AGFG2: variants seen among roughly 807,000 people sequenced by gnomAD.
AGFG2 encodes the protein arf-GAP domain and FG repeat-containing protein 2.
Under a neutral mutation model 48.0 loss-of-function variants are expected in AGFG2, and 31 were observed. The ratio of observed to expected loss-of-function variants is 0.65; its 90% CI spans 0.49 to 0.87. AGFG2 has a LOEUF of 0.87. Among genes scored for constraint, AGFG2 ranks in the 40% least tolerant of loss-of-function variants. The probability of loss-of-function intolerance (pLI) is 0.00; values close to 1 mark genes in which losing one functional copy is unlikely to be tolerated. For missense variants in AGFG2, 599 were observed against 632.6 expected (o/e 0.95, Z 0.57); for synonymous variants, 229 against 260.8 (o/e 0.88, Z 1.18).
rs1389636972 is a variant in AGFG2, at chr7:100,565,831, C to G, written c.*840C>G. The stretch of plus-strand genomic sequence containing the variant: ...GAGGGGGGGCAGCCATGTGTCCTGA[C>G]CCCCACCATCCCCAGAGCCTGGGTT... On this transcript the variant is annotated 3_prime_UTR_variant, in exon 12 of 12. Transcript: ENST00000300176. The G allele has an allele frequency of 6.6e-6, 1 of 151,966 alleles. No individual in the cohort carries two copies. The highest frequency in any genetic ancestry group is 6.6e-5 in the Admixed American group (1 of 15,242). 9.4% of individuals were successfully genotyped at this position (151,966 alleles called of 1,614,324 possible).
At chr7:100,548,293 G>A (rs182707445) in intron 1 of AGFG2, among the ~76,000 whole-genome samples, 3 of 148,384 alleles carry the variant, frequency 2.0e-5, no homozygotes, top group African/African-American at 7.3e-5. Context: ...TCTCTTTGGA[G>A]ATTCTTTTTT....
intron 1 of AGFG2, among the ~76,000 whole-genome samples, chr7:100,543,050 G>C (rs1800450816): frequency 6.6e-6 from 1 of 151,998 alleles, no homozygotes; most frequent in South Asian, 2.1e-4. Context: ...ATGATGCAAA[G>C]AGAAGAAATA....
intron 1 of AGFG2, among the ~76,000 whole-genome samples, chr7:100,546,866 C>CG (rs1352038077): frequency 6.6e-6 from 1 of 152,162 alleles, no homozygotes; most frequent in African/African-American, 2.4e-5. Flanking sequence ...AGACAGTCTT[C>CG]GGGGCAGACC....
intron 2 of AGFG2, 29 bp from the exon 3 acceptor site, chr7:100,550,367 C>T (rs748450379): frequency 6.8e-7 from 1 of 1,460,700 alleles, no homozygotes; most frequent in South Asian, 1.2e-5. Context: ...CTTTCTGCTC[C>T]CACTCCTCTG....
rs1189244488 is a variant in AGFG2 at position 100,551,071 on chromosome 7, T to A, written c.431+560T>A. Among the ~76,000 whole-genome samples, 302 of 90,376 alleles carry A rather than the reference T, an allele frequency of 3.3e-3. 8 individuals are homozygous for A. Among genetic ancestry groups the A allele is most frequent in the Middle Eastern group, 0.011 (2 of 176 alleles). The allele number at this position is 90,376 out of a possible 152,430, so 59.3% of individuals were successfully genotyped here. On this transcript the variant is annotated intron_variant, in intron 3 of 11. Coordinates refer to ENST00000300176, the MANE Select transcript of AGFG2 (RefSeq NM_006076.5). Reference sequence around the variant, plus strand: ...ATATATATATATATATATATATTTCTTTTTTTTTTTTTTTTTGAGACAGAG... The same window carrying A: ...ATATATATATATATATATATATTTCATTTTTTTTTTTTTTTTGAGACAGAG...
At position 100,566,587 on chromosome 7, in the gene AGFG2, A is replaced by T. The variant is rs1347223685; in HGVS notation, c.*1596A>T. ...AAAGAGATATGGGAGTTGGGTGATC[A>T]GTGTATTTACTTTGCAGATTTTTCT... On this transcript the variant is annotated 3_prime_UTR_variant, in exon 12 of 12. Coordinates refer to ENST00000300176, the MANE Select transcript of AGFG2 (RefSeq NM_006076.5). The T allele has an allele frequency of 6.6e-6, 1 of 152,180 alleles. No homozygotes were observed. Among genetic ancestry groups the T allele is most frequent in the Admixed American group, 6.5e-5 (1 of 15,278 alleles). 9.4% of individuals were successfully genotyped at this position (152,180 alleles called of 1,614,324 possible). A position where few individuals can be genotyped will look rare whatever the true frequency, so the allele number is the denominator to read the frequency against.
At chr7:100,557,882 T>C (rs1370574994) in intron 6 of AGFG2, among the ~76,000 whole-genome samples, 2 of 151,990 alleles carry the variant, frequency 1.3e-5, no homozygotes, top group Non-Finnish European at 2.9e-5. Flanking sequence ...AATATAATAA[T>C]GGACAAGACA....
chr7:100,558,524 GTTTTTT>G (rs1250174850), intron 6 of AGFG2, among the ~76,000 whole-genome samples: 1 of 149,886 alleles, frequency 6.7e-6, no homozygotes, highest in African/African-American at 2.5e-5. Flanking sequence ...TAAAGACAGA[GTTTTTT>G]TTGTTTTTGT....
Position 100,565,076 on chromosome 7 carries a change from T to C in AGFG2, c.*85T>C. The C allele has an allele frequency of 1.4e-6, 2 of 1,443,780 alleles. No homozygotes were observed. Among genetic ancestry groups the C allele is most frequent in the South Asian group, 2.3e-5 (2 of 87,588 alleles). The allele number at this position is 1,443,780 out of a possible 1,614,324, so 89.4% of individuals were successfully genotyped here. A position where few individuals can be genotyped will look rare whatever the true frequency, so the allele number is the denominator to read the frequency against. ...CTGGTGACCACTTGCCTGTGGGCAT[T>C]TCTATGGGCCTTGGGGATGGTGGAG... On this transcript the variant is annotated 3_prime_UTR_variant, in exon 12 of 12. Coordinates refer to ENST00000300176, the MANE Select transcript of AGFG2 (RefSeq NM_006076.5).
chr7:100,549,840 A>C (rs543350386), intron 2 of AGFG2, among the ~76,000 whole-genome samples: 1 of 152,250 alleles, frequency 6.6e-6, no homozygotes, highest in East Asian at 1.9e-4. Context: ...CTATAGGCAC[A>C]TGCCACCATG....
chr7:100,541,513 A>G (rs1210089425), intron 1 of AGFG2, among the ~76,000 whole-genome samples: 1 of 151,888 alleles, frequency 6.6e-6, no homozygotes, highest in African/African-American at 2.4e-5. Flanking sequence ...GTGGCTCAGT[A>G]TGTATAGGAG....
intron 6 of AGFG2, among the ~76,000 whole-genome samples, chr7:100,560,091 G>A (rs1245437100): frequency 5.9e-5 from 9 of 152,086 alleles, no homozygotes; most frequent in Non-Finnish European, 8.8e-5. Context: ...CCGTGCTTGC[G>A]TGGAAATTCC....
intron 6 of AGFG2, among the ~76,000 whole-genome samples, chr7:100,560,699 G>A (rs1327920700): frequency 6.6e-6 from 1 of 152,146 alleles, no homozygotes. Flanking sequence ...GGACCTGGCA[G>A]CAGGTAGGCA....
At chr7:100,549,353 G>A (rs2131107207) in intron 2 of AGFG2, among the ~76,000 whole-genome samples, 1 of 152,286 alleles carries the variant, frequency 6.6e-6, no homozygotes, top group East Asian at 1.9e-4. Flanking sequence ...ATCAGAAGTT[G>A]CTATCCTTGG....
intron 3 of AGFG2, among the ~76,000 whole-genome samples, chr7:100,551,066 A>ATATATATATATATATATATATATATATAT (rs1562791920): frequency 1.4e-5 from 1 of 69,718 alleles, no homozygotes; most frequent in African/African-American, 6.4e-5. Context: ...ATATATATAT[A>ATATATATATATATATATATATATATATAT]TTTCTTTTTT....
intron 3 of AGFG2, 68 bp downstream of exon 3, chr7:100,550,579 C>G (rs1800611461): frequency 4.7e-6 from 6 of 1,290,234 alleles, no homozygotes; most frequent in Non-Finnish European, 6.7e-6. Flanking sequence ...AGTCCAGTTT[C>G]TAGAGTTGAA....
chr7:100,548,774 C>A (rs1800562281), intron 1 of AGFG2, 48 bp from the exon 2 acceptor site: 3 of 1,446,746 alleles, frequency 2.1e-6, no homozygotes, highest in Non-Finnish European at 2.9e-6. Flanking sequence ...AACAGCCTGC[C>A]ATGCTAACTG....
In AGFG2 at chr7:100,548,879, G is replaced by T; in HGVS notation, c.279G>T (p.Glu93Asp). ...CAATCTCCATGACAACTTTCACTGA[G>T]CCTGAAGTAGTATTCCTGCAATCCC... ...VKSISMTTFT[E>D]PEVVFLQSRG... The change falls in exon 2 of 12, where the codon GAG becomes GAT. Residue 93 changes from glutamate (E) to aspartate (D), a missense_variant. Transcript: ENST00000300176. The T allele has an allele frequency of 6.2e-7, 1 of 1,613,794 alleles. No individual in the cohort carries two copies. The highest frequency in any genetic ancestry group is 8.5e-7 in the Non-Finnish European group (1 of 1,179,824).
intron 6 of AGFG2, chr7:100,556,666 T>C: frequency 2.3e-6 from 3 of 1,281,026 alleles, no homozygotes; most frequent in Non-Finnish European, 3.1e-6. Flanking sequence ...CCCAAGTGCC[T>C]CTGATCATAG....
Sources: gnomAD v4.1 joint callset for allele counts (sites outside exome capture counted in the v4.1 genomes callset) on GRCh38, gnomAD v4.1.1 for gene constraint, MANE v1.5 for transcripts, NCBI Gene and HGNC (gene_info 2026-07-23, HGNC 2026-07-21) for gene names.